The following PPP3CA variants were observed in gnomAD, a reference collection of about 807,000 sequenced individuals.
The protein encoded by PPP3CA is CAM-PRP catalytic subunit.
Under a neutral mutation model 66.5 loss-of-function variants are expected in PPP3CA, and 14 were observed. The observed-to-expected ratio is 0.21, with a 90% CI of 0.14 to 0.33. The LOEUF is 0.33. Among genes scored for constraint, PPP3CA ranks in the 10% least tolerant of loss-of-function variants. The pLI is 1.00. For synonymous variants in PPP3CA, 232 were observed against 226.2 expected, an observed-to-expected ratio of 1.03 and a Z score of -0.23; for missense variants, 317 against 639.5, an observed-to-expected ratio of 0.50 and a Z score of 5.44.
At chr4:101,205,722 T>C (rs1055695032) in intron 1 of PPP3CA, among the ~76,000 whole-genome samples, 1 of 152,194 alleles carries the variant, frequency 6.6e-6, no homozygotes, top group African/African-American at 2.4e-5. Context: ...TTTTATTTAA[T>C]GAATTGACTT....
chr4:101,279,545 C>T (rs1299266571), intron 1 of PPP3CA, among the ~76,000 whole-genome samples: 2 of 152,052 alleles, frequency 1.3e-5, no homozygotes, highest in Admixed American at 1.3e-4. Flanking sequence ...GGGATAATTG[C>T]TAAATGGTTA....
At chr4:101,262,279 T>C (rs10016548) in intron 1 of PPP3CA, among the ~76,000 whole-genome samples, 100,080 of 151,844 alleles carry the variant, frequency 0.66, 33,991 homozygotes, top group Non-Finnish European at 0.75. Context: ...TACAAACCCC[T>C]CCAGTCTTCT....
intron 2 of PPP3CA, among the ~76,000 whole-genome samples, chr4:101,121,795 A>G (rs1253395271): frequency 2.0e-5 from 3 of 152,176 alleles, no homozygotes; most frequent in African/African-American, 7.2e-5. Context: ...TTCTCAAGGA[A>G]CATAGAGTAT....
intron 1 of PPP3CA, among the ~76,000 whole-genome samples, chr4:101,311,565 A>G (rs770475892): frequency 8.5e-5 from 13 of 152,050 alleles, no homozygotes; most frequent in Non-Finnish European, 1.8e-4. Context: ...AGATCACTTG[A>G]GGTCAGGAGT....
At chr4:101,217,395 T>C (rs938073378) in intron 1 of PPP3CA, among the ~76,000 whole-genome samples, 1 of 152,146 alleles carries the variant, frequency 6.6e-6, no homozygotes, top group Admixed American at 6.6e-5. Flanking sequence ...ACCTAATCTA[T>C]TAAACAAAAC....
At chr4:101,217,332 T>A (rs556652460) in intron 1 of PPP3CA, among the ~76,000 whole-genome samples, 33 of 152,314 alleles carry the variant, frequency 2.2e-4, no homozygotes, top group African/African-American at 7.9e-4. Flanking sequence ...AGAGTTTGGA[T>A]GCACACTCAG....
intron 2 of PPP3CA, among the ~76,000 whole-genome samples, chr4:101,177,802 C>G (rs1379190893): frequency 6.6e-6 from 1 of 151,208 alleles, no homozygotes; most frequent in African/African-American, 2.4e-5. Flanking sequence ...TTTGATATAT[C>G]TTACCAGGAA....
intron 1 of PPP3CA, among the ~76,000 whole-genome samples, chr4:101,226,437 T>C (rs1725784771): frequency 2.0e-5 from 3 of 151,876 alleles, no homozygotes; most frequent in East Asian, 3.9e-4. Flanking sequence ...GTAACACAAA[T>C]GGTCTAAGTC....
chr4:101,297,014 G>T (rs114114054), intron 1 of PPP3CA, among the ~76,000 whole-genome samples: 1 of 152,132 alleles, frequency 6.6e-6, no homozygotes, highest in African/African-American at 2.4e-5. Flanking sequence ...ATGCACAATT[G>T]AGTACAATAT....
chr4:101,177,515 GA>G (rs1490166873), intron 2 of PPP3CA, among the ~76,000 whole-genome samples: 1 of 151,400 alleles, frequency 6.6e-6, no homozygotes, highest in African/African-American at 2.4e-5. Context: ...TTAAGCTTGG[GA>G]AAAAAAGGGA....
chr4:101,175,299 G>A (rs992636502), intron 2 of PPP3CA, among the ~76,000 whole-genome samples: 6 of 152,158 alleles, frequency 3.9e-5, no homozygotes, highest in African/African-American at 1.4e-4. Flanking sequence ...CTGACCTGTG[G>A]TAGACTTCTG....
At chr4:101,129,485 CAT>C (rs963308050) in intron 2 of PPP3CA, among the ~76,000 whole-genome samples, 1 of 152,184 alleles carries the variant, frequency 6.6e-6, no homozygotes, top group African/African-American at 2.4e-5. Context: ...ACAGACATCT[CAT>C]ATAGGAAAGC....
At chr4:101,309,483 G>A (rs997975108) in intron 1 of PPP3CA, among the ~76,000 whole-genome samples, 45 of 152,212 alleles carry the variant, frequency 3.0e-4, no homozygotes, top group African/African-American at 1.0e-3. Flanking sequence ...CAAAGCGGGT[G>A]GGGGGTGGTA....
intron 2 of PPP3CA, among the ~76,000 whole-genome samples, chr4:101,167,716 G>A (rs540089938): frequency 2.0e-5 from 3 of 152,240 alleles, no homozygotes; most frequent in African/African-American, 7.2e-5. Context: ...TCCCTTAGGA[G>A]GTGACTTCTA....
intron 2 of PPP3CA, among the ~76,000 whole-genome samples, chr4:101,195,088 C>G (rs187175760): frequency 6.6e-6 from 1 of 152,000 alleles, no homozygotes; most frequent in African/African-American, 2.4e-5. Flanking sequence ...GCCTGGCCAA[C>G]GTGGTGAAAC....
intron 1 of PPP3CA, among the ~76,000 whole-genome samples, chr4:101,223,476 A>C (rs1158710340): frequency 6.6e-6 from 1 of 151,692 alleles, no homozygotes; most frequent in Non-Finnish European, 1.5e-5. Context: ...AAGAAAACAA[A>C]ATGAGAATTA....
chr4:101,225,819 C>T (rs972513335), intron 1 of PPP3CA, among the ~76,000 whole-genome samples: 1 of 151,756 alleles, frequency 6.6e-6, no homozygotes. Flanking sequence ...TTAATACTGG[C>T]TACTTTGTGT....
chr4:101,267,999 C>T (rs1194110977), intron 1 of PPP3CA, among the ~76,000 whole-genome samples: 2 of 151,936 alleles, frequency 1.3e-5, no homozygotes, highest in Admixed American at 6.6e-5. Flanking sequence ...GATGAGACCT[C>T]GTCTCTACAA....
At chr4:101,317,748 A>G (rs1022338842) in intron 1 of PPP3CA, among the ~76,000 whole-genome samples, 1 of 152,158 alleles carries the variant, frequency 6.6e-6, no homozygotes, top group African/African-American at 2.4e-5. Flanking sequence ...AGTCTCAACA[A>G]TCTTTCAGTC....
Sources: gnomAD v4.1 joint callset for allele counts (sites outside exome capture counted in the v4.1 genomes callset) on GRCh38, gnomAD v4.1.1 for gene constraint, MANE v1.5 for transcripts, NCBI Gene and HGNC (gene_info 2026-07-23, HGNC 2026-07-21) for gene names.